Variants in CEP63 observed in about 807,000 individuals in gnomAD.
The protein encoded by CEP63 is centrosomal protein 63.
Under a neutral mutation model 89.1 loss-of-function variants are expected in CEP63, and 84 were observed. That is an observed-to-expected ratio of 0.94 (90% CI 0.79 to 1.13). The LOEUF (loss-of-function observed/expected upper bound fraction) is 1.13. Ranked by LOEUF, CEP63 falls within the 50% of genes most tolerant of loss-of-function variation. The pLI is 0.00. For synonymous variants in CEP63, 267 were observed against 272.5 expected (o/e 0.98, Z 0.20); for missense variants, 838 against 813.3 (o/e 1.03, Z -0.37).
the CEP63 span, among the ~76,000 whole-genome samples, chr3:134,593,159 A>G: frequency 1.5e-4 from 23 of 152,266 alleles, no homozygotes; most frequent in East Asian, 4.1e-3. Context: ...CGTCTTGGAT[A>G]TGGGATTTCT....
At chr3:134,692,401 T>C in the CEP63 span, among the ~76,000 whole-genome samples, 1 of 151,958 alleles carries the variant, frequency 6.6e-6, no homozygotes, top group East Asian at 1.9e-4. Context: ...CTAAGAATGA[T>C]GGTTTCCAGC....
the CEP63 span, among the ~76,000 whole-genome samples, chr3:134,623,362 G>A: frequency 6.6e-6 from 1 of 152,106 alleles, no homozygotes; most frequent in Non-Finnish European, 1.5e-5. Flanking sequence ...GTAATGGCCT[G>A]GCCTCCACTT....
chr3:134,503,997 T>C (rs1244869009), intron 2 of CEP63, among the ~76,000 whole-genome samples: 1 of 152,180 alleles, frequency 6.6e-6, no homozygotes, highest in Admixed American at 6.5e-5. Flanking sequence ...AGGGTTGTTA[T>C]AGATAGGTGA....
At chr3:134,652,445 C>A in the CEP63 span, among the ~76,000 whole-genome samples, 1 of 142,338 alleles carries the variant, frequency 7.0e-6, no homozygotes, top group Non-Finnish European at 1.5e-5. Flanking sequence ...ATTACCAGCG[C>A]CCCCCCCCAC....
the CEP63 span, among the ~76,000 whole-genome samples, chr3:134,771,967 A>G: frequency 4.8e-3 from 736 of 152,328 alleles, 8 homozygotes; most frequent in African/African-American, 0.016. Context: ...TTAAAGCCAT[A>G]TATGTATTCT....
chr3:134,714,067 G>A, the CEP63 span, among the ~76,000 whole-genome samples: 8 of 152,292 alleles, frequency 5.3e-5, no homozygotes, highest in South Asian at 2.1e-4. Context: ...CTATGGCAGC[G>A]GGGAGAGGGC....
chr3:134,492,571 CCTT>C lies in CEP63; in HGVS notation c.-25-2724_-25-2722del, dbSNP rs1576700561. Among the ~76,000 whole-genome samples the C allele has an allele frequency of 3.4e-5, 5 of 148,830 alleles. No homozygotes were observed. In the East Asian group the frequency reaches 9.7e-4, roughly 29 times the overall value. ...TAGGATATTACTGGTCCACTTCCCT[CCTT>C]TTTTTTTTTTTTTTTAAACAGGAAT... On this transcript the variant is annotated intron_variant, in intron 1 of 14. Transcript: ENST00000675561.
intron 10 of CEP63, among the ~76,000 whole-genome samples, chr3:134,580,124 G>C (rs1310187122): frequency 6.6e-6 from 1 of 151,558 alleles, no homozygotes; most frequent in Non-Finnish European, 1.5e-5. Flanking sequence ...TAACCTGAGA[G>C]GCAGAGGTTG....
chr3:134,607,120 T>G, the CEP63 span: 2 of 985,494 alleles, frequency 2.0e-6, no homozygotes, highest in Non-Finnish European at 2.4e-6. Flanking sequence ...GGTGTTGCTT[T>G]GACCTGGTCA....
chr3:134,603,351 C>T, the CEP63 span: 5 of 467,756 alleles, frequency 1.1e-5, no homozygotes, highest in East Asian at 3.3e-5. Context: ...GCACCTTTTC[C>T]TTCTAAAGAG....
the CEP63 span, among the ~76,000 whole-genome samples, chr3:134,740,946 C>T: frequency 2.0e-5 from 3 of 152,066 alleles, no homozygotes; most frequent in African/African-American, 7.2e-5. Context: ...TTTCTTGGTG[C>T]ACTTTTGCCA....
At chr3:134,676,262 C>T in the CEP63 span, among the ~76,000 whole-genome samples, 1 of 152,122 alleles carries the variant, frequency 6.6e-6, no homozygotes, top group Non-Finnish European at 1.5e-5. Flanking sequence ...AAGAATGGAG[C>T]AGTGATACAT....
At position 134,561,801 on chromosome 3, in the gene CEP63, G is replaced by A. The variant is rs2110187605; in HGVS notation, c.*266G>A. 1.6e-6 allele frequency: 2 copies of A among 1,255,464 alleles called. No individual in the cohort carries two copies. The highest frequency in any genetic ancestry group is 2.0e-6 in the Non-Finnish European group (2 of 992,228). 77.8% of individuals were successfully genotyped at this position (1,255,464 alleles called of 1,614,324 possible). A position where few individuals can be genotyped will look rare whatever the true frequency, so the allele number is the denominator to read the frequency against. On this transcript the variant is annotated 3_prime_UTR_variant, in exon 15 of 15. Coordinates refer to ENST00000675561, the MANE Select transcript of CEP63 (RefSeq NM_001353108.3). ...TCATACGAATATTTATTATCATAAA[G>A]TGATACTTACCTTGCTGACTTAAAT...
At chr3:134,768,787 T>A in the CEP63 span, among the ~76,000 whole-genome samples, 1 of 152,200 alleles carries the variant, frequency 6.6e-6, no homozygotes, top group Admixed American at 6.5e-5. Flanking sequence ...GAAGATGCAA[T>A]TAAGATTGCT....
At chr3:134,723,953 T>TGC in the CEP63 span, among the ~76,000 whole-genome samples, 2 of 152,200 alleles carry the variant, frequency 1.3e-5, no homozygotes, top group South Asian at 4.2e-4. Flanking sequence ...TGCAGCAGAG[T>TGC]GCTCACACAG....
At chr3:134,774,985 T>A in the CEP63 span, among the ~76,000 whole-genome samples, 1 of 152,192 alleles carries the variant, frequency 6.6e-6, no homozygotes, top group South Asian at 2.1e-4. Context: ...AGAACTGGTG[T>A]ATAAATACCC....
the CEP63 span, among the ~76,000 whole-genome samples, chr3:134,763,204 A>T: frequency 6.6e-6 from 1 of 151,994 alleles, no homozygotes; most frequent in South Asian, 2.1e-4. Flanking sequence ...AACATTAGGT[A>T]TATCTCCAAA....
chr3:134,652,392 T>G, the CEP63 span, among the ~76,000 whole-genome samples: 1 of 152,026 alleles, frequency 6.6e-6, no homozygotes, highest in South Asian at 2.1e-4. Flanking sequence ...CCAATAACAG[T>G]GGCTCAGAGT....
At chr3:134,494,820 A>C (rs975009999) in intron 1 of CEP63, among the ~76,000 whole-genome samples, 1 of 152,228 alleles carries the variant, frequency 6.6e-6, no homozygotes, top group Non-Finnish European at 1.5e-5. Flanking sequence ...GCCTGTCTTC[A>C]GGAGTGAGTA....
Sources: gnomAD v4.1 joint callset for allele counts (sites outside exome capture counted in the v4.1 genomes callset) on GRCh38, gnomAD v4.1.1 for gene constraint, MANE v1.5 for transcripts, NCBI Gene and HGNC (gene_info 2026-07-23, HGNC 2026-07-21) for gene names.